The following ELAPOR1 variants were observed in gnomAD, a reference collection of about 807,000 sequenced individuals.
The protein encoded by ELAPOR1 is endosome-lysosome associated apoptosis and autophagy regulator 1.
ELAPOR1 carries 77 observed loss-of-function variants against 119.7 expected under a neutral mutation model. That is an observed-to-expected ratio of 0.64 (90% CI 0.54 to 0.78). ELAPOR1 has a LOEUF of 0.78. Ranked by LOEUF, ELAPOR1 falls within the 30% of genes least tolerant of loss-of-function variation. The probability of loss-of-function intolerance (pLI) is 0.00; values close to 1 mark genes in which losing one functional copy is unlikely to be tolerated. For missense variants in ELAPOR1, 1,115 were observed against 1,270.4 expected (o/e 0.88, Z 1.86); for synonymous variants, 481 against 487.2 (o/e 0.99, Z 0.17).
intron 1 of ELAPOR1, among the ~76,000 whole-genome samples, chr1:109,156,758 G>A (rs914031227): frequency 2.6e-5 from 4 of 151,064 alleles, no homozygotes; most frequent in African/African-American, 7.4e-5. Context: ...CCCACTTGAG[G>A]TCCCTGCTCA....
At chr1:109,190,659 C>CT (rs1242043853) in intron 11 of ELAPOR1, among the ~76,000 whole-genome samples, 1 of 152,226 alleles carries the variant, frequency 6.6e-6, no homozygotes, top group East Asian at 1.9e-4. Context: ...ACTTTTTAGG[C>CT]TTTTTTTGGA....
At chr1:109,190,012 A>G (rs992263670) in intron 11 of ELAPOR1, among the ~76,000 whole-genome samples, 1 of 152,232 alleles carries the variant, frequency 6.6e-6, no homozygotes, top group Non-Finnish European at 1.5e-5. Context: ...AGAAATGCCC[A>G]TAGACAGTTC....
intron 2 of ELAPOR1, 73 bp downstream of exon 2, chr1:109,162,087 A>T: frequency 6.6e-7 from 1 of 1,522,586 alleles, no homozygotes; most frequent in South Asian, 1.2e-5. Context: ...CTGCCATCCA[A>T]TCTGGGCCCT....
chr1:109,197,663 C>A lies in ELAPOR1; in HGVS notation c.2302+9C>A, dbSNP rs748585979. On this transcript the variant is annotated intron_variant, in intron 16 of 21. Coordinates refer to ENST00000369939, the MANE Select transcript of ELAPOR1 (RefSeq NM_020775.5). ...TGCTGATCGACTTATTGGTGAGTAA[C>A]TCCGCTGCCTCAGCCTTGTTTGAGA... 6.8e-6 allele frequency: 11 copies of A among 1,611,012 alleles called. No homozygotes were observed. The African/African-American group carries it at 1.5e-4, about 22-fold the overall frequency.
At chr1:109,155,001 G>C (rs1393367157) in intron 1 of ELAPOR1, among the ~76,000 whole-genome samples, 1 of 152,094 alleles carries the variant, frequency 6.6e-6, no homozygotes, top group African/African-American at 2.4e-5. Context: ...TTTGGGATGT[G>C]TGTTTATGTG....
At chr1:109,190,509 T>G (rs945910654) in intron 11 of ELAPOR1, among the ~76,000 whole-genome samples, 3 of 152,228 alleles carry the variant, frequency 2.0e-5, no homozygotes, top group African/African-American at 7.2e-5. Flanking sequence ...TATGCTTCCC[T>G]AGTGCCAGTC....
At chr1:109,115,808 A>G (rs1271022780) in intron 1 of ELAPOR1, among the ~76,000 whole-genome samples, 1 of 152,324 alleles carries the variant, frequency 6.6e-6, no homozygotes, top group East Asian at 1.9e-4. Flanking sequence ...TATTAGCTCC[A>G]ATGACAACCT....
chr1:109,126,526 A>G (rs909286223), intron 1 of ELAPOR1, among the ~76,000 whole-genome samples: 1 of 152,056 alleles, frequency 6.6e-6, no homozygotes, highest in African/African-American at 2.4e-5. Context: ...GCTGGAGTGC[A>G]GTGATGCAAT....
Position 109,203,127 on chromosome 1 carries a change from C to A in ELAPOR1, c.*115C>A. ...ACTGCTGGAAATCTCTTCATTGTGG[C>A]CTTATCAGATGTTTGAATTTCAGAT... On this transcript the variant is annotated 3_prime_UTR_variant, in exon 22 of 22. Transcript: ENST00000369939. 2.9e-6 allele frequency: 2 copies of A among 696,684 alleles called. No individual in the cohort carries two copies. 43.2% of individuals were successfully genotyped at this position (696,684 alleles called of 1,614,324 possible).
At chr1:109,185,189 T>G in intron 8 of ELAPOR1, 56 bp downstream of exon 8, 1 of 1,358,968 alleles carries the variant, frequency 7.4e-7, no homozygotes. Context: ...TCCCACTCCC[T>G]GAGGTTTGCC....
intron 1 of ELAPOR1, among the ~76,000 whole-genome samples, chr1:109,154,619 C>G (rs1428029684): frequency 6.6e-6 from 1 of 152,218 alleles, no homozygotes; most frequent in Admixed American, 6.5e-5. Context: ...TCTGGGCCAT[C>G]CGTTGCAGTC....
intron 8 of ELAPOR1, 79 bp downstream of exon 8, chr1:109,185,212 T>C: frequency 1.8e-6 from 2 of 1,085,838 alleles, no homozygotes; most frequent in East Asian, 2.3e-5. Context: ...CATTTGGAAC[T>C]TCAGCAGTCA....
chr1:109,163,197 C>A (rs1039327849), intron 2 of ELAPOR1, among the ~76,000 whole-genome samples: 1 of 151,886 alleles, frequency 6.6e-6, no homozygotes, highest in African/African-American at 2.4e-5. Flanking sequence ...AGCTTGTGGT[C>A]CAGGGTAGAG....
At chr1:109,126,128 A>T (rs1648762314) in intron 1 of ELAPOR1, among the ~76,000 whole-genome samples, 1 of 152,222 alleles carries the variant, frequency 6.6e-6, no homozygotes, top group Non-Finnish European at 1.5e-5. Flanking sequence ...GGAAAAGTGA[A>T]GGCTATGATG....
intron 3 of ELAPOR1, among the ~76,000 whole-genome samples, chr1:109,168,479 T>C (rs1202559716): frequency 6.6e-6 from 1 of 151,974 alleles, no homozygotes; most frequent in African/African-American, 2.4e-5. Context: ...CTGAACGGAG[T>C]CTCCATGGCA....
In ELAPOR1 at chr1:109,199,977, C is replaced by A. The variant is rs750343893; in HGVS notation, c.2625C>A (p.Ile875=). The change falls in exon 19 of 22, where the codon ATC becomes ATA. Residue 875 remains isoleucine, a synonymous_variant. Coordinates refer to ENST00000369939, the MANE Select transcript of ELAPOR1 (RefSeq NM_020775.5). ...TCGTCAGCAGCTGTGTGGCTGGGAT[C>A]CAGGTGGGTTTCCCTCTGATCGGGC... ...HAIVSSCVAG[I]QKTTYVWREP... is the part of the protein sequence containing the mutation. 1.2e-6 allele frequency: 2 copies of A among 1,614,094 alleles called. No individual in the cohort carries two copies. Among genetic ancestry groups the A allele is most frequent in the East Asian group, 4.5e-5 (2 of 44,888 alleles).
At chr1:109,191,324 T>C in intron 11 of ELAPOR1, 42 bp from the exon 12 acceptor site, 1 of 1,422,250 alleles carries the variant, frequency 7.0e-7, no homozygotes, top group South Asian at 1.2e-5. Context: ...CAATAAGCAC[T>C]GCCTGGCCTT....
intron 21 of ELAPOR1, 47 bp downstream of exon 21, chr1:109,200,947 G>GAGACACTGCTCCTC: frequency 6.4e-7 from 1 of 1,572,030 alleles, no homozygotes; most frequent in East Asian, 2.2e-5. Context: ...AGGGCTGGAG[G>GAGACACTGCTCCTC]AGACACTGCT....
intron 3 of ELAPOR1, among the ~76,000 whole-genome samples, chr1:109,166,857 A>T (rs546942274): frequency 1.3e-5 from 2 of 152,252 alleles, no homozygotes; most frequent in Non-Finnish European, 2.9e-5. Flanking sequence ...TTATACCCAA[A>T]CAATCAAATG....
Sources: gnomAD v4.1 joint callset for allele counts (sites outside exome capture counted in the v4.1 genomes callset) on GRCh38, gnomAD v4.1.1 for gene constraint, MANE v1.5 for transcripts, NCBI Gene and HGNC (gene_info 2026-07-23, HGNC 2026-07-21) for gene names.